The following MCC variants were observed in gnomAD, a reference collection of about 807,000 sequenced individuals.
The protein encoded by MCC is colorectal mutant cancer protein.
A neutral mutation model predicts 116.2 loss-of-function variants in MCC; 90 were observed. That is an observed-to-expected ratio of 0.77 (90% CI 0.65 to 0.92). The LOEUF is 0.92. Among genes scored for constraint, MCC ranks in the 40% least tolerant of loss-of-function variants. MCC has a pLI of 0.00. For missense variants in MCC, 1,516 were observed against 1,312.2 expected (o/e 1.16, Z -2.40); for synonymous variants, 578 against 510.5 (o/e 1.13, Z -1.78).
chr5:113,052,432 G>T (rs1752545923), intron 15 of MCC, among the ~76,000 whole-genome samples: 1 of 149,028 alleles, frequency 6.7e-6, no homozygotes, highest in African/African-American at 2.5e-5. Flanking sequence ...GAGCTGCGTG[G>T]CTTGATGAAG....
chr5:113,164,556 T>A (rs929911104), intron 3 of MCC, among the ~76,000 whole-genome samples: 1 of 152,220 alleles, frequency 6.6e-6, no homozygotes, highest in Non-Finnish European at 1.5e-5. Flanking sequence ...TCTGCCTAGC[T>A]CATTCTTACG....
At chr5:113,069,637 C>T (rs998257947) in intron 12 of MCC, among the ~76,000 whole-genome samples, 1 of 152,220 alleles carries the variant, frequency 6.6e-6, no homozygotes, top group African/African-American at 2.4e-5. Flanking sequence ...GGCACGATCT[C>T]AGCTCACTGC....
chr5:113,024,429 T>TTTTG lies in MCC; in HGVS notation c.*2869_*2872dup, dbSNP rs1275690161. On this transcript the variant is annotated 3_prime_UTR_variant, in exon 19 of 19. Transcript: ENST00000408903. ...TTTTGCTTGTGATTTGCACAGTTGGTTTTGTTTGCCTCAGTCCAACAATGG... is the reference window on the plus strand; with the variant it reads ...TTTTGCTTGTGATTTGCACAGTTGGTTTTGTTTGTTTGCCTCAGTCCAACAATGG... 1 of 152,206 alleles carries TTTTG rather than the reference T, an allele frequency of 6.6e-6. No homozygotes were observed. The highest frequency in any genetic ancestry group is 1.5e-5 in the Non-Finnish European group (1 of 68,046). 9.4% of individuals were successfully genotyped at this position (152,206 alleles called of 1,614,324 possible). A position where few individuals can be genotyped will look rare whatever the true frequency, so the allele number is the denominator to read the frequency against.
Position 113,049,168 on chromosome 5 carries a change from C to T in MCC, c.2580G>A (p.Glu860=). The part of the protein sequence containing the change: ...YLVHIEHLKS[E]VEEQKEQRMR... ...TCCGCTGCTCCTTCTGCTCCTCCAC[C>T]TCGGACTTCAGGTGCTCAATGTGCA... The change falls in exon 16 of 19, where the codon GAG becomes GAA. Residue 860 remains glutamate, a synonymous_variant. Transcript: ENST00000408903. 3 of 1,614,218 alleles carry T rather than the reference C, an allele frequency of 1.9e-6. No homozygotes were observed. The highest frequency in any genetic ancestry group is 2.2e-5 in the South Asian group (2 of 91,086).
chr5:113,041,395 C>A (rs1751697096), intron 17 of MCC, among the ~76,000 whole-genome samples: 1 of 152,132 alleles, frequency 6.6e-6, no homozygotes, highest in Non-Finnish European at 1.5e-5. Context: ...AAATCATGCT[C>A]AATCATAAAA....
At chr5:113,070,812 C>G (rs752964830) in intron 12 of MCC, among the ~76,000 whole-genome samples, 14 of 152,128 alleles carry the variant, frequency 9.2e-5, no homozygotes, top group Non-Finnish European at 1.8e-4. Context: ...GAATAAAGAT[C>G]TGCAAGAAGA....
chr5:113,057,505 A>AGG (rs1554109934), intron 14 of MCC, among the ~76,000 whole-genome samples: 1 of 152,160 alleles, frequency 6.6e-6, no homozygotes, highest in East Asian at 1.9e-4. Context: ...GTATTTTAAA[A>AGG]ATGAGAGGGG....
At chr5:113,340,053 A>G (rs942008885) in intron 3 of MCC, among the ~76,000 whole-genome samples, 2 of 152,254 alleles carry the variant, frequency 1.3e-5, no homozygotes, top group Non-Finnish European at 2.9e-5. Flanking sequence ...ATTACACATA[A>G]TGGCCTTCTA....
At chr5:113,455,084 C>T (rs192571730) in intron 1 of MCC, among the ~76,000 whole-genome samples, 28 of 152,278 alleles carry the variant, frequency 1.8e-4, no homozygotes, top group East Asian at 1.2e-3. Flanking sequence ...ATCCTCCCAC[C>T]GCACCAAAGA....
intron 3 of MCC, among the ~76,000 whole-genome samples, chr5:113,231,113 C>A (rs1003298760): frequency 2.0e-5 from 3 of 152,172 alleles, no homozygotes; most frequent in African/African-American, 7.2e-5. Context: ...GAAAAAAAAT[C>A]TCAAGAGCTT....
chr5:113,263,394 G>T (rs1379501042), intron 3 of MCC, among the ~76,000 whole-genome samples: 2 of 152,206 alleles, frequency 1.3e-5, no homozygotes, highest in African/African-American at 4.8e-5. Flanking sequence ...CATGCCAAAG[G>T]ATCATAGCTA....
chr5:113,207,479 G>A (rs1762960820), intron 3 of MCC, among the ~76,000 whole-genome samples: 1 of 141,306 alleles, frequency 7.1e-6, no homozygotes, highest in Non-Finnish European at 1.6e-5. Context: ...GGTGGGCGGG[G>A]GCAGTGTATC....
chr5:113,430,940 G>C (rs941814024), intron 1 of MCC, among the ~76,000 whole-genome samples: 1 of 152,204 alleles, frequency 6.6e-6, no homozygotes, highest in Non-Finnish European at 1.5e-5. Flanking sequence ...ATGGAAAGGA[G>C]AGGGACCAAG....
intron 1 of MCC, among the ~76,000 whole-genome samples, chr5:113,422,427 TA>T (rs35414785): frequency 0.092 from 14,011 of 151,576 alleles, 925 homozygotes; most frequent in Non-Finnish European, 0.12. Context: ...GATTTAATTT[TA>T]AGTTATTTTT....
chr5:113,340,870 TA>T, intron 2 of MCC, 140 bp from the exon 3 acceptor site: 1 of 673,702 alleles, frequency 1.5e-6, no homozygotes, highest in Non-Finnish European at 2.5e-6. Flanking sequence ...GGCTGCATGC[TA>T]AGCGCTTTCT....
intron 17 of MCC, among the ~76,000 whole-genome samples, chr5:113,031,564 G>A (rs1381801346): frequency 6.6e-6 from 1 of 152,012 alleles, no homozygotes; most frequent in Non-Finnish European, 1.5e-5. Flanking sequence ...TCATTCTAAT[G>A]TTGATTAATA....
chr5:113,345,582 A>G (rs1193556277), intron 2 of MCC, among the ~76,000 whole-genome samples: 1 of 152,218 alleles, frequency 6.6e-6, no homozygotes, highest in Non-Finnish European at 1.5e-5. Flanking sequence ...GAGGCTTCGT[A>G]TGTTTGGGAG....
intron 13 of MCC, among the ~76,000 whole-genome samples, chr5:113,064,464 T>C (rs545658019): frequency 3.3e-5 from 5 of 152,314 alleles, no homozygotes; most frequent in Admixed American, 2.0e-4. Flanking sequence ...ACGCTCTGAT[T>C]TTTCTAATGA....
At chr5:113,241,973 G>T (rs985425404) in intron 3 of MCC, among the ~76,000 whole-genome samples, 1 of 152,118 alleles carries the variant, frequency 6.6e-6, no homozygotes, top group African/African-American at 2.4e-5. Context: ...ATATATTCAA[G>T]GAACTAATCC....
Sources: gnomAD v4.1 joint callset for allele counts (sites outside exome capture counted in the v4.1 genomes callset) on GRCh38, gnomAD v4.1.1 for gene constraint, MANE v1.5 for transcripts, NCBI Gene and HGNC (gene_info 2026-07-23, HGNC 2026-07-21) for gene names.